The following COL5A2 variants were observed in gnomAD, a reference collection of about 807,000 sequenced individuals.
The protein encoded by COL5A2 is collagen type V alpha 2 chain.
In COL5A2, 23 loss-of-function variants were observed where a neutral mutation model predicts 208.2. The observed-to-expected ratio is 0.11, with a 90% CI of 0.08 to 0.16. The LOEUF is 0.16. Among genes scored for constraint, COL5A2 ranks in the 10% least tolerant of loss-of-function variants. The probability of loss-of-function intolerance (pLI) is 1.00; values close to 1 mark genes in which losing one functional copy is unlikely to be tolerated. For missense variants in COL5A2, 1,590 were observed against 1,956.4 expected (o/e 0.81, Z 3.53); for synonymous variants, 625 against 628.5 (o/e 0.99, Z 0.08).
the COL5A2 span, among the ~76,000 whole-genome samples, chr2:189,405,761 C>A: frequency 6.6e-6 from 1 of 152,224 alleles, no homozygotes; most frequent in African/African-American, 2.4e-5. Context: ...GCATGTGAGA[C>A]CAGAATGAAT....
the COL5A2 span, among the ~76,000 whole-genome samples, chr2:189,276,139 T>G: frequency 6.6e-6 from 1 of 152,212 alleles, no homozygotes; most frequent in Admixed American, 6.5e-5. Flanking sequence ...TTGATACATA[T>G]TTCTTCCTAT....
Position 189,104,215 on chromosome 2 carries a change from T to C in COL5A2, c.336+49A>G, listed in dbSNP as rs769621621. 4.5e-6 allele frequency: 6 copies of C among 1,340,838 alleles called. No homozygotes were observed. The Admixed American group carries it at 5.1e-5, about 11-fold the overall frequency. 83.1% of individuals were successfully genotyped at this position (1,340,838 alleles called of 1,614,324 possible). On this transcript the variant is annotated intron_variant, in intron 3 of 53. Coordinates refer to ENST00000374866, the MANE Select transcript of COL5A2 (RefSeq NM_000393.5). ...GAGCACAGTTCTGTGTGGATAGTAT[T>C]GGATATAAGTCTGCTTATGAAAAAG...
the COL5A2 span, among the ~76,000 whole-genome samples, chr2:189,438,035 A>G: frequency 2.0e-5 from 3 of 151,876 alleles, no homozygotes; most frequent in Non-Finnish European, 4.4e-5. Context: ...GAATGCTCAA[A>G]ACTCAACAAG....
At chr2:189,158,086 G>C (rs1688290176) in intron 1 of COL5A2, among the ~76,000 whole-genome samples, 1 of 151,922 alleles carries the variant, frequency 6.6e-6, no homozygotes, top group South Asian at 2.1e-4. Flanking sequence ...TTAAGTCATA[G>C]TGTTAGGTAA....
chr2:189,405,172 AAAAT>A, the COL5A2 span, among the ~76,000 whole-genome samples: 47 of 152,326 alleles, frequency 3.1e-4, no homozygotes, highest in Middle Eastern at 3.4e-3. Flanking sequence ...TAATTGAATG[AAAAT>A]AAATAAACAC....
At chr2:189,215,955 T>C (rs1278151974) in intron 1 of COL5A2, among the ~76,000 whole-genome samples, 1 of 152,178 alleles carries the variant, frequency 6.6e-6, no homozygotes, top group East Asian at 1.9e-4. Flanking sequence ...TGCAGATTTT[T>C]CTTCTTTTCA....
At chr2:189,075,016 G>T (rs958898191) in intron 17 of COL5A2, among the ~76,000 whole-genome samples, 1 of 152,114 alleles carries the variant, frequency 6.6e-6, no homozygotes, top group African/African-American at 2.4e-5. Flanking sequence ...TCATGATATA[G>T]CTCTCGCCTC....
the COL5A2 span, among the ~76,000 whole-genome samples, chr2:189,330,524 G>A: frequency 2.6e-5 from 4 of 152,168 alleles, no homozygotes; most frequent in Non-Finnish European, 5.9e-5. Flanking sequence ...TAGGGGCAGA[G>A]CGGAGAGCAA....
At chr2:189,310,709 G>A in the COL5A2 span, among the ~76,000 whole-genome samples, 1 of 146,724 alleles carries the variant, frequency 6.8e-6, no homozygotes, top group African/African-American at 2.5e-5. Flanking sequence ...AGAAAATGTG[G>A]TACACATACA....
chr2:189,358,474 T>C, the COL5A2 span, among the ~76,000 whole-genome samples: 8 of 152,214 alleles, frequency 5.3e-5, no homozygotes, highest in Non-Finnish European at 7.3e-5. Flanking sequence ...TGGGTTGCTA[T>C]AGCCTTGTAG....
upstream of COL5A2, among the ~76,000 whole-genome samples, chr2:189,226,949 A>T (rs561855223): frequency 1.9e-4 from 29 of 152,290 alleles, no homozygotes; most frequent in African/African-American, 6.7e-4. Context: ...GGCCCACCAT[A>T]GGATGGCAGA....
At chr2:189,392,039 A>C in the COL5A2 span, among the ~76,000 whole-genome samples, 1 of 152,164 alleles carries the variant, frequency 6.6e-6, no homozygotes, top group African/African-American at 2.4e-5. Flanking sequence ...AATACATGAT[A>C]ATATTCCTTT....
rs143279784 is a variant in COL5A2 at position 189,155,657 on chromosome 2, T to C, written c.97+23851A>G. On this transcript the variant is annotated intron_variant, in intron 1 of 53. Transcript: ENST00000374866. ...TTAATTCCTTTATGGCACTTATTAC[T>C]GGAAATTATCTTTTTAAAATATATA... Among the ~76,000 whole-genome samples the C allele has an allele frequency of 6.4e-3, 968 of 152,340 alleles. 15 individuals are homozygous for C. Among genetic ancestry groups the C allele is most frequent in the African/African-American group, 0.021 (857 of 41,582 alleles).
rs912589657 is a variant in COL5A2, at chr2:189,061,758, A to G, written c.1978-143T>C. 19 of 686,424 alleles carry G rather than the reference A, an allele frequency of 2.8e-5. No homozygotes were observed. In the African/African-American group the frequency reaches 3.0e-4, roughly 11 times the overall value. The allele number at this position is 686,424 out of a possible 1,614,324, so 42.5% of individuals were successfully genotyped here. ...CTCTTTAGCCAGGTAATAAACTAGT[A>G]TTAATAGTAACCAAATGGTATTGTT... On this transcript the variant is annotated intron_variant, in intron 29 of 53. Coordinates refer to ENST00000374866, the MANE Select transcript of COL5A2 (RefSeq NM_000393.5).
intron 22 of COL5A2, 57 bp from the exon 23 acceptor site, chr2:189,066,554 T>G (rs1686154355): frequency 3.2e-6 from 5 of 1,559,436 alleles, no homozygotes; most frequent in Middle Eastern, 1.7e-4. Flanking sequence ...TGAATTATAG[T>G]TGGAAGCCTA....
the COL5A2 span, among the ~76,000 whole-genome samples, chr2:189,241,400 T>C: frequency 6.6e-6 from 1 of 152,202 alleles, no homozygotes; most frequent in East Asian, 1.9e-4. Flanking sequence ...TGAATGAACA[T>C]TGCTCTGTGT....
intron 1 of COL5A2, among the ~76,000 whole-genome samples, chr2:189,130,074 G>A (rs1687681610): frequency 6.6e-6 from 1 of 151,938 alleles, no homozygotes; most frequent in Admixed American, 6.6e-5. Flanking sequence ...TCTTCTCCAT[G>A]CCAGACACTG....
At chr2:189,328,230 T>C in the COL5A2 span, among the ~76,000 whole-genome samples, 1 of 152,176 alleles carries the variant, frequency 6.6e-6, no homozygotes, top group African/African-American at 2.4e-5. Flanking sequence ...CTAACTGATA[T>C]TTAACTAATA....
intron 3 of COL5A2, among the ~76,000 whole-genome samples, chr2:189,103,591 A>T (rs146348993): frequency 1.2e-4 from 18 of 152,186 alleles, no homozygotes; most frequent in African/African-American, 3.6e-4. Context: ...GGCAAAAAGA[A>T]CTATCTTCGC....
Sources: gnomAD v4.1 joint callset for allele counts (sites outside exome capture counted in the v4.1 genomes callset) on GRCh38, gnomAD v4.1.1 for gene constraint, MANE v1.5 for transcripts, NCBI Gene and HGNC (gene_info 2026-07-23, HGNC 2026-07-21) for gene names.